The following AK7 variants were observed in gnomAD, a reference collection of about 807,000 sequenced individuals.
The protein encoded by AK7 is ATP-AMP transphosphorylase 7.
In AK7, 78 loss-of-function variants were observed where a neutral mutation model predicts 96.6. The observed-to-expected ratio is 0.81, with a 90% CI of 0.67 to 0.97. The LOEUF (loss-of-function observed/expected upper bound fraction) is 0.97, where lower values mean the gene tolerates loss of function less well. AK7 is among the 50% of genes least tolerant of loss of function. The pLI is 0.00. For missense variants in AK7, 855 were observed against 887.9 expected (o/e 0.96, Z 0.47); for synonymous variants, 302 against 317.2 (o/e 0.95, Z 0.51).
intron 5 of AK7, among the ~76,000 whole-genome samples, chr14:96,433,696 G>A (rs1189665544): frequency 2.0e-5 from 3 of 152,098 alleles, no homozygotes; most frequent in East Asian, 1.9e-4. Context: ...GTCATTCTCC[G>A]TCCAGCTTTG....
intron 5 of AK7, among the ~76,000 whole-genome samples, chr14:96,428,652 A>G (rs1300738531): frequency 6.6e-6 from 1 of 152,172 alleles, no homozygotes; most frequent in African/African-American, 2.4e-5. Context: ...AATGATTGCC[A>G]TTCTAACTGG....
At chr14:96,487,356 C>T (rs1189394061) in intron 17 of AK7, among the ~76,000 whole-genome samples, 20 of 131,474 alleles carry the variant, frequency 1.5e-4, no homozygotes, top group African/African-American at 5.6e-4. Context: ...TGCACTCTAG[C>T]CTGGACGACA....
At chr14:96,407,580 C>CTTTTTTTTT (rs11364736) in intron 3 of AK7, among the ~76,000 whole-genome samples, 11 of 60,334 alleles carry the variant, frequency 1.8e-4, no homozygotes, top group African/African-American at 3.9e-4. Flanking sequence ...TCTTTCTTTT[C>CTTTTTTTTT]TTTTTTTTTT....
intron 12 of AK7, among the ~76,000 whole-genome samples, chr14:96,465,506 A>G (rs1345954634): frequency 6.6e-6 from 1 of 152,010 alleles, no homozygotes; most frequent in Non-Finnish European, 1.5e-5. Flanking sequence ...GGAATTCCAT[A>G]CAAATAAGGT....
intron 16 of AK7, among the ~76,000 whole-genome samples, chr14:96,483,463 C>A (rs1339009843): frequency 1.3e-5 from 2 of 151,578 alleles, no homozygotes; most frequent in Non-Finnish European, 2.9e-5. Flanking sequence ...GCTCTGTCGC[C>A]CAGGCTGGAG....
chr14:96,426,457 G>A (rs549269508), intron 5 of AK7, among the ~76,000 whole-genome samples: 8 of 152,058 alleles, frequency 5.3e-5, no homozygotes, highest in Admixed American at 3.3e-4. Flanking sequence ...ACACACCACC[G>A]TTAAAGTGTT....
intron 1 of AK7, among the ~76,000 whole-genome samples, chr14:96,395,800 A>AT (rs1172936912): frequency 0.21 from 14,302 of 69,134 alleles, 4,175 homozygotes; most frequent in Non-Finnish European, 0.27. Flanking sequence ...TTGATTTTGA[A>AT]TTTTTTTTTT....
At chr14:96,419,885 T>C (rs1748373184) in intron 4 of AK7, among the ~76,000 whole-genome samples, 1 of 147,812 alleles carries the variant, frequency 6.8e-6, no homozygotes, top group Non-Finnish European at 1.5e-5. Flanking sequence ...GCCTCCTGGG[T>C]TCAAGCAATT....
chr14:96,433,610 T>A, intron 5 of AK7, among the ~76,000 whole-genome samples: 1 of 152,206 alleles, frequency 6.6e-6, no homozygotes, highest in East Asian at 1.9e-4. Context: ...TTGCGATGTG[T>A]TCGAACATCC....
At chr14:96,482,302 G>T (rs573100482) in intron 15 of AK7, among the ~76,000 whole-genome samples, 1 of 152,176 alleles carries the variant, frequency 6.6e-6, no homozygotes, top group Non-Finnish European at 1.5e-5. Context: ...ATGAATGGGC[G>T]TGGGGTAAGC....
chr14:96,439,910 A>G (rs142898529), intron 6 of AK7, among the ~76,000 whole-genome samples: 50 of 152,276 alleles, frequency 3.3e-4, no homozygotes, highest in African/African-American at 1.1e-3. Context: ...AGGCGGAGTT[A>G]AAGGATAAAG....
intron 5 of AK7, among the ~76,000 whole-genome samples, chr14:96,424,427 CAA>C (rs917073299): frequency 2.6e-5 from 4 of 152,250 alleles, no homozygotes; most frequent in Non-Finnish European, 5.9e-5. Flanking sequence ...ATGTCATCTT[CAA>C]GAGTCTCATA....
chr14:96,464,947 T>C (rs1287442460), intron 12 of AK7, among the ~76,000 whole-genome samples: 1 of 152,232 alleles, frequency 6.6e-6, no homozygotes, highest in Non-Finnish European at 1.5e-5. Flanking sequence ...AGGATATTCA[T>C]GACCAAGTCT....
chr14:96,449,330 G>A (rs1893441177), intron 8 of AK7, among the ~76,000 whole-genome samples: 1 of 152,094 alleles, frequency 6.6e-6, no homozygotes, highest in Non-Finnish European at 1.5e-5. Context: ...AGCTCTTGAG[G>A]GCAGATCCTG....
chr14:96,404,322 A>T (rs1353235108), intron 2 of AK7, among the ~76,000 whole-genome samples: 1 of 152,198 alleles, frequency 6.6e-6, no homozygotes, highest in Non-Finnish European at 1.5e-5. Context: ...GAACAGATTA[A>T]ATCCATCTTG....
intron 12 of AK7, 106 bp from the exon 13 acceptor site, chr14:96,471,372 A>G (rs1467297703): frequency 6.8e-6 from 4 of 592,182 alleles, no homozygotes; most frequent in Non-Finnish European, 1.0e-5. Flanking sequence ...AGGGATTTCC[A>G]ATAGTACCTT....
chr14:96,453,733 G>T (rs1041169157), intron 10 of AK7, among the ~76,000 whole-genome samples: 2 of 152,088 alleles, frequency 1.3e-5, no homozygotes, highest in Non-Finnish European at 2.9e-5. Flanking sequence ...TGATTCAGTG[G>T]CAGTCATACT....
intron 16 of AK7, among the ~76,000 whole-genome samples, chr14:96,486,631 G>C (rs1020541918): frequency 2.7e-5 from 4 of 150,166 alleles, no homozygotes; most frequent in Non-Finnish European, 5.9e-5. Context: ...CTTTCTAGTG[G>C]CATTTCTTTT....
At chr14:96,450,843 C>T (rs911915874) in intron 9 of AK7, among the ~76,000 whole-genome samples, 18 of 143,054 alleles carry the variant, frequency 1.3e-4, no homozygotes, top group African/African-American at 2.4e-4. Flanking sequence ...GGCGCGATCT[C>T]GGCTCACTGC....
Sources: gnomAD v4.1 joint callset for allele counts (sites outside exome capture counted in the v4.1 genomes callset) on GRCh38, gnomAD v4.1.1 for gene constraint, MANE v1.5 for transcripts, NCBI Gene and HGNC (gene_info 2026-07-23, HGNC 2026-07-21) for gene names.